TIAM1: variants seen among roughly 807,000 people sequenced by gnomAD.
TIAM1 encodes the protein rho guanine nucleotide exchange factor TIAM1.
A neutral mutation model predicts 163.5 loss-of-function variants in TIAM1; 65 were observed. The ratio of observed to expected loss-of-function variants is 0.40; its 90% CI spans 0.33 to 0.49. The LOEUF (loss-of-function observed/expected upper bound fraction) is 0.49. Ranked by LOEUF, TIAM1 falls within the 20% of genes least tolerant of loss-of-function variation. The probability of loss-of-function intolerance (pLI) is 0.77; values close to 1 mark genes in which losing one functional copy is unlikely to be tolerated. For synonymous variants in TIAM1, 833 were observed against 810.1 expected, an observed-to-expected ratio of 1.03 and a Z score of -0.48; for missense variants, 1,789 against 2,044.7, an observed-to-expected ratio of 0.87 and a Z score of 2.41.
intron 15 of TIAM1, among the ~76,000 whole-genome samples, chr21:31,171,113 C>T (rs767337146): frequency 5.4e-4 from 80 of 149,202 alleles, no homozygotes; most frequent in Non-Finnish European, 7.8e-4. Context: ...TATGCCATTG[C>T]GGACAAGTGA....
intron 1 of TIAM1, among the ~76,000 whole-genome samples, chr21:31,552,976 C>G (rs2048744227): frequency 2.0e-5 from 3 of 152,320 alleles, no homozygotes; most frequent in Middle Eastern, 3.4e-3. Context: ...TCTCCACCAA[C>G]AAGCACAGCC....
Position 31,179,498 on chromosome 21 carries a change from A to G in TIAM1, c.2887+2923T>C, listed in dbSNP as rs142286766. Among the ~76,000 whole-genome samples, 130 of 152,196 alleles carry G rather than the reference A, an allele frequency of 8.5e-4. 2 individuals are homozygous for G. In the East Asian group the frequency reaches 0.025, roughly 29 times the overall value. The stretch of plus-strand genomic sequence containing the variant: ...AAACTTTCAGCTCCATGCCTGGCAC[A>G]TAGTAAATACTTAAAAAATATCAGC... On this transcript the variant is annotated intron_variant, in intron 15 of 27. Transcript: ENST00000541036.
chr21:31,455,329 G>A (rs903147313), intron 2 of TIAM1, among the ~76,000 whole-genome samples: 1 of 148,792 alleles, frequency 6.7e-6, no homozygotes, highest in African/African-American at 2.5e-5. Context: ...AGAAAGTAAG[G>A]AAGTACTTAA....
intron 11 of TIAM1, among the ~76,000 whole-genome samples, chr21:31,207,970 C>T (rs952305617): frequency 6.6e-6 from 1 of 152,108 alleles, no homozygotes; most frequent in Non-Finnish European, 1.5e-5. Context: ...GACCTGAAGG[C>T]CCAGGGAAAA....
chr21:31,348,699 G>A (rs142310778), upstream of TIAM1, among the ~76,000 whole-genome samples: 2 of 152,152 alleles, frequency 1.3e-5, no homozygotes, highest in Admixed American at 1.3e-4. Context: ...GGGTCTGCTT[G>A]GGAATACGGA....
At chr21:31,133,504 G>A (rs1288735613) in intron 23 of TIAM1, among the ~76,000 whole-genome samples, 2 of 152,180 alleles carry the variant, frequency 1.3e-5, no homozygotes, top group Non-Finnish European at 2.9e-5. Flanking sequence ...CAGGAGGCAG[G>A]GAACAGAGTA....
intron 1 of TIAM1, among the ~76,000 whole-genome samples, chr21:31,484,572 G>A (rs532791447): frequency 2.6e-5 from 4 of 152,290 alleles, no homozygotes; most frequent in African/African-American, 7.2e-5. Flanking sequence ...AAACTACTAT[G>A]GGTTTCAAAT....
At chr21:31,155,568 G>T (rs985772302) in intron 16 of TIAM1, among the ~76,000 whole-genome samples, 2 of 151,780 alleles carry the variant, frequency 1.3e-5, no homozygotes, top group Non-Finnish European at 2.9e-5. Context: ...GCAGTGGTGC[G>T]ATCTCAGCTC....
chr21:31,121,922 G>A (rs1286601109), intron 27 of TIAM1, among the ~76,000 whole-genome samples: 1 of 152,218 alleles, frequency 6.6e-6, no homozygotes, highest in East Asian at 1.9e-4. Context: ...AATGCAACAC[G>A]GGCTTTCCAG....
rs1417619664 is a variant in TIAM1, at chr21:31,141,304, G to A, written c.3655+21C>T. 6.2e-7 allele frequency: 1 copy of A among 1,613,630 alleles called. No homozygotes were observed. The highest frequency in any genetic ancestry group is 8.5e-7 in the Non-Finnish European group (1 of 1,179,782). On this transcript the variant is annotated intron_variant, in intron 21 of 27. Transcript: ENST00000541036. The surrounding 1 kb of genome is among the most constrained non-coding windows in gnomAD (Gnocchi z 4.7). ...CCTCATGGAGACTCAGGCCTGCCGG[G>A]GGTCCCAGGCCGAGGCCTACCGTCC...
chr21:31,225,616 T>C (rs1240784537), intron 7 of TIAM1, 110 bp downstream of exon 7: 1 of 839,220 alleles, frequency 1.2e-6, no homozygotes, highest in Non-Finnish European at 1.9e-6. Flanking sequence ...TGACAGGCTG[T>C]CGAGGAGATA....
intron 2 of TIAM1, among the ~76,000 whole-genome samples, chr21:31,315,407 C>A (rs964873648): frequency 2.0e-5 from 3 of 151,810 alleles, no homozygotes; most frequent in Non-Finnish European, 4.4e-5. Context: ...CCCAGCTACT[C>A]GGGAGGCTGA....
At chr21:31,476,767 T>C (rs2045947245) in intron 1 of TIAM1, among the ~76,000 whole-genome samples, 1 of 152,280 alleles carries the variant, frequency 6.6e-6, no homozygotes, top group South Asian at 2.1e-4. Flanking sequence ...TTACTTACAA[T>C]AGCCCAAAAC....
At chr21:31,313,878 A>G (rs1035987765) in intron 2 of TIAM1, among the ~76,000 whole-genome samples, 3 of 152,210 alleles carry the variant, frequency 2.0e-5, no homozygotes, top group Admixed American at 1.3e-4. Flanking sequence ...TGCTCAGCAC[A>G]CTTTTTTAAA....
At chr21:31,469,002 A>AGG (rs2045638401) in intron 1 of TIAM1, among the ~76,000 whole-genome samples, 1 of 151,046 alleles carries the variant, frequency 6.6e-6, no homozygotes, top group African/African-American at 2.4e-5. Flanking sequence ...TCTCTCGATC[A>AGG]CAAGTCCCTT....
chr21:31,407,768 TGATATTACAG>T (rs1326437054), intron 2 of TIAM1, among the ~76,000 whole-genome samples: 1 of 151,600 alleles, frequency 6.6e-6, no homozygotes, highest in African/African-American at 2.4e-5. Flanking sequence ...CCAGAGTAGC[TGATATTACAG>T]GCGCCCGCCA....
intron 2 of TIAM1, among the ~76,000 whole-genome samples, chr21:31,277,990 T>G (rs2073377164): frequency 6.6e-6 from 1 of 152,224 alleles, no homozygotes; most frequent in South Asian, 2.1e-4. Flanking sequence ...TCTTATTATT[T>G]TAATCTATCT....
chr21:31,306,836 G>C (rs1047507712), intron 2 of TIAM1, among the ~76,000 whole-genome samples: 1 of 152,164 alleles, frequency 6.6e-6, no homozygotes, highest in African/African-American at 2.4e-5. Context: ...AACCTTCGCC[G>C]TTTTCCAGCG....
chr21:31,460,960 A>G (rs1025330745), intron 2 of TIAM1, among the ~76,000 whole-genome samples: 1 of 152,240 alleles, frequency 6.6e-6, no homozygotes, highest in Non-Finnish European at 1.5e-5. Context: ...TGTAGCACAC[A>G]ATATAGCCAA....
Sources: gnomAD v4.1 joint callset for allele counts (sites outside exome capture counted in the v4.1 genomes callset) on GRCh38, gnomAD v4.1.1 for gene constraint, Gnocchi (gnomAD v3.1) non-coding constraint, MANE v1.5 for transcripts, NCBI Gene and HGNC (gene_info 2026-07-23, HGNC 2026-07-21) for gene names.